NUDT6: variants seen among roughly 807,000 people sequenced by gnomAD.
The protein encoded by NUDT6 is FAD diphosphatase NUDT6.
A neutral mutation model predicts 36.8 loss-of-function variants in NUDT6; 24 were observed. The ratio of observed to expected loss-of-function variants is 0.65; its 90% CI spans 0.47 to 0.92. The LOEUF (loss-of-function observed/expected upper bound fraction) is 0.92. Ranked by LOEUF, NUDT6 falls within the 40% of genes least tolerant of loss-of-function variation. The pLI, the probability that NUDT6 is intolerant of heterozygous loss-of-function variation, is 0.00. For synonymous variants in NUDT6, 163 were observed against 157.0 expected, an observed-to-expected ratio of 1.04 and a Z score of -0.29; for missense variants, 388 against 392.8, an observed-to-expected ratio of 0.99 and a Z score of 0.10.
intron 3 of NUDT6, among the ~76,000 whole-genome samples, chr4:122,905,031 C>G (rs749214124): frequency 6.6e-6 from 1 of 152,200 alleles, no homozygotes; most frequent in Non-Finnish European, 1.5e-5. Context: ...GTTTCCACAG[C>G]ATGGAAGGGG....
At chr4:122,898,474 G>T (rs550854176) in intron 3 of NUDT6, among the ~76,000 whole-genome samples, 21 of 152,178 alleles carry the variant, frequency 1.4e-4, no homozygotes, top group Middle Eastern at 3.4e-3. Context: ...ACTCATAAGG[G>T]AGCTGTACCT....
chr4:122,922,630 GATCGC>G, upstream of NUDT6: 7 of 1,441,292 alleles, frequency 4.9e-6, no homozygotes, highest in Non-Finnish European at 5.7e-6. Flanking sequence ...CCAGAGCGGA[GATCGC>G]GGCCGTACAT....
At chr4:122,906,534 G>C (rs986794973) in intron 3 of NUDT6, among the ~76,000 whole-genome samples, 26 of 152,172 alleles carry the variant, frequency 1.7e-4, no homozygotes, top group African/African-American at 5.1e-4. Context: ...GACCTGGAAA[G>C]TAGGAAGTGT....
chr4:122,894,049 A>G (rs1727273798), intron 4 of NUDT6: 1 of 152,240 alleles, frequency 6.6e-6, no homozygotes, highest in Non-Finnish European at 1.5e-5. Context: ...AAAGAAGAGG[A>G]AGTCACAGAA....
intron 3 of NUDT6, among the ~76,000 whole-genome samples, chr4:122,906,016 G>C (rs1578494175): frequency 6.6e-6 from 1 of 152,214 alleles, no homozygotes; most frequent in Non-Finnish European, 1.5e-5. Flanking sequence ...CTGGCTCAGA[G>C]GGTTCAAGAG....
rs1341091721 is a variant in NUDT6 at position 122,894,629 on chromosome 4, T to C, written c.554-1404A>G. The C allele has an allele frequency of 4.6e-5, 7 of 152,296 alleles. No individual in the cohort carries two copies. The East Asian group carries it at 7.7e-4, about 17-fold the overall frequency. 9.4% of individuals were successfully genotyped at this position (152,296 alleles called of 1,614,324 possible). A position where few individuals can be genotyped will look rare whatever the true frequency, so the allele number is the denominator to read the frequency against. ...CCTTAATAAGAAAAGTAATTTTTAC[T>C]CTGATGTGCAATACATTTGTTATTA... On this transcript the variant is annotated intron_variant, in intron 4 of 4. Coordinates refer to ENST00000304430, the MANE Select transcript of NUDT6 (RefSeq NM_007083.5).
intron 2 of NUDT6, among the ~76,000 whole-genome samples, chr4:122,913,783 A>G (rs1463689541): frequency 2.0e-5 from 3 of 151,906 alleles, no homozygotes; most frequent in African/African-American, 7.3e-5. Context: ...TTTCTTTTTA[A>G]AAATATTTCC....
intron 4 of NUDT6, chr4:122,897,407 A>G (rs1311418479): frequency 3.6e-6 from 2 of 552,124 alleles, no homozygotes; most frequent in Admixed American, 6.6e-5. Flanking sequence ...AATAGGTGGT[A>G]TGTTCCTAAT....
At chr4:122,914,165 T>C (rs1261405293) in intron 2 of NUDT6, among the ~76,000 whole-genome samples, 1 of 152,190 alleles carries the variant, frequency 6.6e-6, no homozygotes, top group Non-Finnish European at 1.5e-5. Flanking sequence ...TGATAAATGC[T>C]ATGTAGAATA....
intron 2 of NUDT6, among the ~76,000 whole-genome samples, chr4:122,915,486 A>AAAAAAAAAAAC (rs1727816417): frequency 6.8e-6 from 1 of 146,806 alleles, no homozygotes; most frequent in African/African-American, 2.5e-5. Context: ...AAAAAAAAAA[A>AAAAAAAAAAAC]AAAAAAAAAA....
At chr4:122,905,509 C>T (rs537727522) in intron 3 of NUDT6, among the ~76,000 whole-genome samples, 3 of 152,262 alleles carry the variant, frequency 2.0e-5, no homozygotes, top group Admixed American at 6.5e-5. Flanking sequence ...ATACATGTTA[C>T]ACAGAGACAG....
intron 2 of NUDT6, 114 bp downstream of exon 2, chr4:122,917,387 A>G: frequency 1.1e-6 from 1 of 943,210 alleles, no homozygotes; most frequent in Non-Finnish European, 1.7e-6. Flanking sequence ...CACCGTAATC[A>G]TTTAATCAAA....
In NUDT6 at chr4:122,914,042, C is replaced by T. The variant is rs187798307; in HGVS notation, c.443-1419G>A. The stretch of plus-strand genomic sequence containing the variant: ...GGCACTTTTCTAGGTGCTACAGATA[C>T]AGTGGTGAACAACACAAATGAAACT... On this transcript the variant is annotated intron_variant, in intron 2 of 4. Coordinates refer to ENST00000304430, the MANE Select transcript of NUDT6 (RefSeq NM_007083.5). Among the ~76,000 whole-genome samples the T allele has an allele frequency of 3.4e-3, 512 of 152,280 alleles. 3 individuals carry two copies. Among genetic ancestry groups the T allele is most frequent in the Admixed American group, 6.9e-3 (105 of 15,296 alleles).
chr4:122,903,025 C>T (rs7676334), intron 3 of NUDT6, among the ~76,000 whole-genome samples: 8,117 of 152,088 alleles, frequency 0.053, 522 homozygotes, highest in African/African-American at 0.16. Context: ...ATTTATTAAA[C>T]ATTAAATATA....
Position 122,893,018 on chromosome 4 carries a change from A to G in NUDT6, c.761T>C (p.Leu254Pro), listed in dbSNP as rs1166362770. Residue 254 changes from leucine (L) to proline (P), a missense_variant, in exon 5 of 5, where the codon CTG (leucine) becomes CCG (proline). Coordinates refer to ENST00000304430, the MANE Select transcript of NUDT6 (RefSeq NM_007083.5). ...LRCEWMDLND[L>P]AKTENTTPIT... ...GGGAGTTGTATTTTCAGTCTTCGCC[A>G]GGTCATTGAGATCCATCCACTCACA... 10 of 1,614,174 alleles carry G rather than the reference A, an allele frequency of 6.2e-6. No homozygotes were observed. The highest frequency in any genetic ancestry group is 8.5e-6 in the Non-Finnish European group (10 of 1,180,040).
At chr4:122,906,576 A>G (rs997884248) in intron 3 of NUDT6, among the ~76,000 whole-genome samples, 1 of 152,160 alleles carries the variant, frequency 6.6e-6, no homozygotes, top group Non-Finnish European at 1.5e-5. Flanking sequence ...TAAGACATCT[A>G]GGTGCTAGAG....
chr4:122,893,230 G>A lies in NUDT6; in HGVS notation c.554-5C>T, dbSNP rs45625032. 9 of 1,582,244 alleles carry A rather than the reference G, an allele frequency of 5.7e-6. No individual in the cohort carries two copies. Among genetic ancestry groups the A allele is most frequent in the South Asian group, 4.6e-5 (4 of 86,180 alleles). ...CTTCTCGAACCGCTGTGTCTCCTAC[G>A]TAAAAAAAGAGATGTACAAATCAAT... is the stretch of plus-strand genomic sequence containing the variant. On this transcript the variant is annotated splice_region_variant and splice_polypyrimidine_tract_variant and intron_variant, in intron 4 of 4. Transcript: ENST00000304430.
intron 1 of NUDT6, 62 bp from the exon 2 acceptor site, chr4:122,917,766 T>C: frequency 1.3e-6 from 2 of 1,513,896 alleles, no homozygotes; most frequent in Non-Finnish European, 1.8e-6. Context: ...AAATTAAAAC[T>C]CACCTCAGGG....
intron 3 of NUDT6, among the ~76,000 whole-genome samples, chr4:122,905,872 T>A (rs1406711274): frequency 2.6e-5 from 4 of 152,218 alleles, no homozygotes; most frequent in Non-Finnish European, 4.4e-5. Context: ...CAGTTCTGGT[T>A]GCCATCCTGA....
Sources: allele counts gnomAD v4.1 joint callset (sites outside exome capture counted in the v4.1 genomes callset), GRCh38; gene constraint gnomAD v4.1.1; transcripts MANE v1.5; gene names NCBI Gene and HGNC (gene_info 2026-07-23, HGNC 2026-07-21).